EDAR: variants seen among roughly 807,000 people sequenced by gnomAD.
EDAR encodes the protein tumor necrosis factor receptor superfamily member EDAR.
A neutral mutation model predicts 51.3 loss-of-function variants in EDAR; 38 were observed. The ratio of observed to expected loss-of-function variants is 0.74; its 90% CI spans 0.57 to 0.97. EDAR has a LOEUF of 0.97. Ranked by LOEUF, EDAR falls within the 50% of genes least tolerant of loss-of-function variation. EDAR has a pLI of 0.00. For missense variants in EDAR, 528 were observed against 595.0 expected (o/e 0.89, Z 1.17); for synonymous variants, 227 against 242.1 (o/e 0.94, Z 0.58).
chr2:108,960,191 C>T (rs892469548), intron 1 of EDAR, among the ~76,000 whole-genome samples: 5 of 152,126 alleles, frequency 3.3e-5, no homozygotes, highest in Admixed American at 3.3e-4. Flanking sequence ...TCCTGGCAAC[C>T]ACCAGTTCTC....
chr2:108,927,509 A>C (rs557259473), intron 4 of EDAR, among the ~76,000 whole-genome samples: 1 of 152,342 alleles, frequency 6.6e-6, no homozygotes, highest in African/African-American at 2.4e-5. Flanking sequence ...CCATAGAGTC[A>C]GCCCTGGCCT....
intron 1 of EDAR, among the ~76,000 whole-genome samples, chr2:108,944,488 T>C (rs898116022): frequency 5.9e-5 from 9 of 152,238 alleles, no homozygotes; most frequent in Non-Finnish European, 1.0e-4. Flanking sequence ...ATGGAGCCAA[T>C]GCTGTTGCCT....
rs1696581758 is a variant in EDAR, at chr2:108,896,090, C to T, written c.*817G>A. ...AAGGCCATTCACATGTAGTGCAGACCACAGGGTTCCCAGGCCAAAGAGTAA... is the reference window on the plus strand; with the variant it reads ...AAGGCCATTCACATGTAGTGCAGACTACAGGGTTCCCAGGCCAAAGAGTAA... On this transcript the variant is annotated 3_prime_UTR_variant, in exon 12 of 12. Transcript: ENST00000258443. 1.3e-5 allele frequency: 2 copies of T among 152,160 alleles called. No homozygotes were observed. The highest frequency in any genetic ancestry group is 4.8e-5 in the African/African-American group (2 of 41,420). 9.4% of individuals were successfully genotyped at this position (152,160 alleles called of 1,614,324 possible).
intron 1 of EDAR, among the ~76,000 whole-genome samples, chr2:108,970,780 T>C (rs1698220157): frequency 6.6e-6 from 1 of 152,198 alleles, no homozygotes; most frequent in Non-Finnish European, 1.5e-5. Context: ...TTTTACACCC[T>C]GAAGATAAGT....
At chr2:108,910,643 G>A in intron 8 of EDAR, 111 bp from the exon 9 acceptor site, 1 of 1,398,112 alleles carries the variant, frequency 7.2e-7, no homozygotes, top group Admixed American at 1.8e-5. Context: ...TGTCTGTGTG[G>A]CACCACCCCA....
intron 1 of EDAR, among the ~76,000 whole-genome samples, chr2:108,965,270 G>A (rs1698126215): frequency 6.6e-6 from 1 of 152,134 alleles, no homozygotes; most frequent in African/African-American, 2.4e-5. Context: ...GAGGTCAGGA[G>A]ATCGAGACCA....
At position 108,944,994 on chromosome 2, in the gene EDAR, G is replaced by A. The variant is rs942085035; in HGVS notation, c.-18-13962C>T. ...AAAGGGCAAGGTTTCAGTGATCACCGTATTATACCAGCCTGGTGATTTGAA... is the reference window on the plus strand; with the variant it reads ...AAAGGGCAAGGTTTCAGTGATCACCATATTATACCAGCCTGGTGATTTGAA... On this transcript the variant is annotated intron_variant, in intron 1 of 11. Coordinates refer to ENST00000258443, the MANE Select transcript of EDAR (RefSeq NM_022336.4). Among the ~76,000 whole-genome samples the A allele has an allele frequency of 3.9e-5, 6 of 152,278 alleles. No homozygotes were observed. The East Asian group carries it at 9.7e-4, about 24-fold the overall frequency.
chr2:108,913,157 G>T (rs1383146087), intron 5 of EDAR, among the ~76,000 whole-genome samples: 3 of 152,102 alleles, frequency 2.0e-5, no homozygotes, highest in Non-Finnish European at 4.4e-5. Context: ...CACCATGTTA[G>T]CCAGGATGGG....
At chr2:108,979,887 C>T (rs897651953) in intron 1 of EDAR, among the ~76,000 whole-genome samples, 18 of 152,160 alleles carry the variant, frequency 1.2e-4, no homozygotes, top group Admixed American at 4.6e-4. Context: ...GTAGGGGGGA[C>T]ACCTGGCATC....
chr2:108,940,604 C>G (rs1159230928), intron 1 of EDAR, among the ~76,000 whole-genome samples: 1 of 152,238 alleles, frequency 6.6e-6, no homozygotes, highest in Non-Finnish European at 1.5e-5. Flanking sequence ...ATCAAGCATC[C>G]AGTGCCGTCG....
At chr2:108,919,045 G>C (rs1355462396) in intron 5 of EDAR, among the ~76,000 whole-genome samples, 3 of 152,150 alleles carry the variant, frequency 2.0e-5, no homozygotes, top group Non-Finnish European at 2.9e-5. Context: ...CGCTGTGTCA[G>C]AATCCATTGC....
chr2:108,939,241 G>A (rs958292833), intron 1 of EDAR, among the ~76,000 whole-genome samples: 5 of 152,012 alleles, frequency 3.3e-5, no homozygotes, highest in South Asian at 2.1e-4. Flanking sequence ...GTAGTGGCAC[G>A]ATCTCAGCTC....
At position 108,933,800 on chromosome 2, in the gene EDAR, C is replaced by T. The variant is rs73952553; in HGVS notation, c.-18-2768G>A. On this transcript the variant is annotated intron_variant, in intron 1 of 11. Coordinates refer to ENST00000258443, the MANE Select transcript of EDAR (RefSeq NM_022336.4). ...GTGGCGGGGAGGCAAGGGCGACCTG[C>T]AGCCCGTCAGGTGGGGGAGGGTTGG... Among the ~76,000 whole-genome samples the T allele has an allele frequency of 2.0e-3, 297 of 152,060 alleles. 1 individual carries two copies. Among genetic ancestry groups the T allele is most frequent in the African/African-American group, 6.8e-3 (282 of 41,480 alleles).
Position 108,894,924 on chromosome 2 carries a change from C to T in EDAR, c.*1983G>A, listed in dbSNP as rs1450712707. ...GCAGAGAACAGCCACCCCACTCTTT[C>T]GCTGAAAACATTCTGAGGAGGGTGC... is the stretch of plus-strand genomic sequence containing the variant. On this transcript the variant is annotated 3_prime_UTR_variant, in exon 12 of 12. Coordinates refer to ENST00000258443, the MANE Select transcript of EDAR (RefSeq NM_022336.4). 3 of 152,140 alleles carry T rather than the reference C, an allele frequency of 2.0e-5. No individual in the cohort carries two copies. Among genetic ancestry groups the T allele is most frequent in the African/African-American group, 4.8e-5 (2 of 41,404 alleles). 9.4% of individuals were successfully genotyped at this position (152,140 alleles called of 1,614,324 possible).
intron 1 of EDAR, among the ~76,000 whole-genome samples, chr2:108,933,229 A>G (rs572668239): frequency 1.3e-5 from 2 of 152,280 alleles, no homozygotes; most frequent in East Asian, 1.9e-4. Context: ...TCCAGCAAAG[A>G]TTTTTTTGGC....
In EDAR at chr2:108,897,149, C is replaced by A; in HGVS notation, c.1105G>T (p.Ala369Ser). The A allele has an allele frequency of 6.2e-7, 1 of 1,613,946 alleles. No individual in the cohort carries two copies. Among genetic ancestry groups the A allele is most frequent in the Non-Finnish European group, 8.5e-7 (1 of 1,180,046 alleles). The change falls in exon 12 of 12, where the codon GCT becomes TCT. Residue 369 changes from alanine (A) to serine (S), a missense_variant. By Grantham distance (99) the Ala-to-Ser change is moderately conservative. Coordinates refer to ENST00000258443, the MANE Select transcript of EDAR (RefSeq NM_022336.4). ...AGGTGGCGCCACGTTTTCACAACAG[C>A]CTTCTCAGAGTTGTACGTGGAGCTG... is the stretch of plus-strand genomic sequence containing the variant. Reference protein sequence around the residue: ...MLSSTYNSEKAVVKTWRHLAE... With the variant: ...MLSSTYNSEKSVVKTWRHLAE...
intron 1 of EDAR, among the ~76,000 whole-genome samples, chr2:108,949,674 G>A (rs967419557): frequency 2.6e-5 from 4 of 152,176 alleles, no homozygotes; most frequent in African/African-American, 9.7e-5. Context: ...TGGGGCTGCA[G>A]GAACTAATCA....
chr2:108,948,943 C>G (rs1697769360), intron 1 of EDAR, among the ~76,000 whole-genome samples: 1 of 152,224 alleles, frequency 6.6e-6, no homozygotes, highest in Middle Eastern at 3.4e-3. Flanking sequence ...GACAGTGAGA[C>G]CCCCATCACT....
chr2:108,972,642 C>T (rs1293790577), intron 1 of EDAR, among the ~76,000 whole-genome samples: 1 of 152,264 alleles, frequency 6.6e-6, no homozygotes, highest in African/African-American at 2.4e-5. Context: ...GTGTCTTCCC[C>T]ACTCTGCTTG....
Sources: allele counts gnomAD v4.1 joint callset (sites outside exome capture counted in the v4.1 genomes callset), GRCh38; gene constraint gnomAD v4.1.1; transcripts MANE v1.5; gene names NCBI Gene and HGNC (gene_info 2026-07-23, HGNC 2026-07-21).